ABTB2: variants seen among roughly 807,000 people sequenced by gnomAD.
The protein encoded by ABTB2 is ankyrin repeat and BTB/POZ domain-containing protein 2.
Under a neutral mutation model 104.1 loss-of-function variants are expected in ABTB2, and 56 were observed. The ratio of observed to expected loss-of-function variants is 0.54; its 90% CI spans 0.43 to 0.67. The LOEUF (loss-of-function observed/expected upper bound fraction) is 0.67, where lower values mean the gene tolerates loss of function less well. ABTB2 is among the 30% of genes least tolerant of loss of function. The pLI is 0.00. For synonymous variants in ABTB2, 606 were observed against 608.2 expected, an observed-to-expected ratio of 1.00 and a Z score of 0.05; for missense variants, 1,279 against 1,407.7, an observed-to-expected ratio of 0.91 and a Z score of 1.46.
At chr11:34,248,869 G>A (rs959776967) in intron 1 of ABTB2, among the ~76,000 whole-genome samples, 3 of 152,146 alleles carry the variant, frequency 2.0e-5, no homozygotes, top group Non-Finnish European at 4.4e-5. Context: ...GGTGGCTCAC[G>A]CCTGTAATCC....
chr11:34,287,553 A>G (rs1854520126), intron 1 of ABTB2, among the ~76,000 whole-genome samples: 1 of 152,248 alleles, frequency 6.6e-6, no homozygotes, highest in Non-Finnish European at 1.5e-5. Flanking sequence ...ATAAATAAAC[A>G]GATCTCCTCT....
chr11:34,248,114 A>ATTTTTTTTTTTTTTTTTTTTTTTTTT (rs1363625721), intron 1 of ABTB2, among the ~76,000 whole-genome samples: 12 of 126,342 alleles, frequency 9.5e-5, no homozygotes, highest in Middle Eastern at 4.0e-3. Context: ...AAAAAAAAAA[A>ATTTTTTTTTTTTTTTTTTTTTTTTTT]AAAAAAAACA....
intron 1 of ABTB2, among the ~76,000 whole-genome samples, chr11:34,249,043 C>T (rs1297693916): frequency 3.3e-5 from 5 of 152,182 alleles, no homozygotes; most frequent in African/African-American, 7.2e-5. Context: ...GCAAGAGATT[C>T]GCTTGAACCA....
At chr11:34,261,132 C>A (rs528352002) in intron 1 of ABTB2, among the ~76,000 whole-genome samples, 75 of 151,998 alleles carry the variant, frequency 4.9e-4, no homozygotes, top group African/African-American at 1.8e-3. Flanking sequence ...CCCCGCCTGC[C>A]CCCCCCAAAA....
At chr11:34,284,705 A>G (rs557462625) in intron 1 of ABTB2, among the ~76,000 whole-genome samples, 2 of 152,378 alleles carry the variant, frequency 1.3e-5, no homozygotes, top group East Asian at 3.8e-4. Flanking sequence ...AAACACACAT[A>G]GGAACATTTA....
intron 1 of ABTB2, among the ~76,000 whole-genome samples, chr11:34,349,044 C>T (rs910298713): frequency 1.3e-5 from 2 of 152,170 alleles, no homozygotes. Context: ...CCTTATGTAT[C>T]TCCTCCCAAT....
chr11:34,286,848 A>G (rs1334570280), intron 1 of ABTB2, among the ~76,000 whole-genome samples: 1 of 152,236 alleles, frequency 6.6e-6, no homozygotes. Context: ...ACCAGCCTCA[A>G]AAGCTTATAT....
At chr11:34,284,671 A>G (rs1854484254) in intron 1 of ABTB2, among the ~76,000 whole-genome samples, 2 of 152,380 alleles carry the variant, frequency 1.3e-5, no homozygotes, top group African/African-American at 4.8e-5. Flanking sequence ...CTGTAACCAG[A>G]GAGGTGGAGA....
intron 1 of ABTB2, among the ~76,000 whole-genome samples, chr11:34,278,346 T>C (rs952967998): frequency 6.6e-6 from 1 of 152,204 alleles, no homozygotes; most frequent in African/African-American, 2.4e-5. Context: ...GTTAAGTTTG[T>C]TTCCTTACTG....
intron 1 of ABTB2, among the ~76,000 whole-genome samples, chr11:34,340,866 C>A (rs548426883): frequency 1.2e-4 from 18 of 152,280 alleles, no homozygotes; most frequent in African/African-American, 4.3e-4. Context: ...CTAGTTCAAA[C>A]AAACAAACAT....
At chr11:34,262,111 T>C (rs1341823855) in intron 1 of ABTB2, among the ~76,000 whole-genome samples, 3 of 152,222 alleles carry the variant, frequency 2.0e-5, no homozygotes, top group African/African-American at 7.2e-5. Flanking sequence ...AGTTCTTTGA[T>C]AGAGAAATAA....
intron 1 of ABTB2, among the ~76,000 whole-genome samples, chr11:34,279,068 G>T (rs1444653180): frequency 6.6e-6 from 1 of 152,110 alleles, no homozygotes; most frequent in African/African-American, 2.4e-5. Context: ...TTCTTGCTAG[G>T]GTTCTCAGTC....
chr11:34,180,162 A>G (rs1448546185), intron 3 of ABTB2, among the ~76,000 whole-genome samples: 1 of 152,220 alleles, frequency 6.6e-6, no homozygotes, highest in African/African-American at 2.4e-5. Flanking sequence ...AAGTATAAAC[A>G]TGTAAAGCCT....
intron 5 of ABTB2, among the ~76,000 whole-genome samples, chr11:34,168,683 C>G (rs994222346): frequency 6.6e-6 from 1 of 152,232 alleles, no homozygotes; most frequent in Non-Finnish European, 1.5e-5. Flanking sequence ...AGCTGTGAAG[C>G]CCAAGCTTTG....
At chr11:34,284,639 A>G (rs1357257253) in intron 1 of ABTB2, among the ~76,000 whole-genome samples, 2 of 152,270 alleles carry the variant, frequency 1.3e-5, no homozygotes, top group African/African-American at 2.4e-5. Flanking sequence ...TGACGGATGA[A>G]CAAGAAGCAG....
intron 1 of ABTB2, among the ~76,000 whole-genome samples, chr11:34,300,521 G>A (rs1157187124): frequency 1.3e-5 from 2 of 152,168 alleles, no homozygotes; most frequent in African/African-American, 4.8e-5. Context: ...CCATTAGCAT[G>A]TTATTAATTT....
At position 34,162,717 on chromosome 11, in the gene ABTB2, C is replaced by G. The variant is rs759547573; in HGVS notation, c.2077G>C (p.Glu693Gln). 1 of 1,612,208 alleles carries G rather than the reference C, an allele frequency of 6.2e-7. No individual in the cohort carries two copies. The highest frequency in any genetic ancestry group is 1.1e-5 in the South Asian group (1 of 91,090). ...LEEILAEGVE[E>Q]SDASSQGSGS... ...CTGCCCTGGCTCGACGCATCACTTT[C>G]CTCCACACCCTCGGCCAGGATCTCC... The change falls in exon 10 of 17, where the codon GAA becomes CAA. Residue 693 changes from glutamate to glutamine, a missense_variant. By Grantham distance (29) the Glu-to-Gln change is conservative. Transcript: ENST00000435224.
intron 9 of ABTB2, among the ~76,000 whole-genome samples, chr11:34,164,331 A>G (rs1230491373): frequency 1.3e-5 from 2 of 151,874 alleles, no homozygotes; most frequent in African/African-American, 2.4e-5. Flanking sequence ...TTGGACGTCC[A>G]AGGCCACTTG....
At chr11:34,307,976 G>C (rs768219842) in intron 1 of ABTB2, among the ~76,000 whole-genome samples, 1 of 152,196 alleles carries the variant, frequency 6.6e-6, no homozygotes, top group Non-Finnish European at 1.5e-5. Flanking sequence ...GATTACAGGC[G>C]TGAGCCACTG....
Sources: allele counts gnomAD v4.1 joint callset (sites outside exome capture counted in the v4.1 genomes callset), GRCh38; gene constraint gnomAD v4.1.1; transcripts MANE v1.5; gene names NCBI Gene and HGNC (gene_info 2026-07-23, HGNC 2026-07-21).